Variants in GALNT9 observed in about 807,000 individuals in gnomAD.
GALNT9 encodes GalNAc transferase 9.
GALNT9 carries 47 observed loss-of-function variants against 63.1 expected under a neutral mutation model. The observed-to-expected ratio is 0.75, with a 90% CI of 0.59 to 0.95. The LOEUF (loss-of-function observed/expected upper bound fraction) is 0.95. Ranked by LOEUF, GALNT9 falls within the 40% of genes least tolerant of loss-of-function variation. The pLI, the probability that GALNT9 is intolerant of heterozygous loss-of-function variation, is 0.00. For missense variants in GALNT9, 829 were observed against 874.8 expected, an observed-to-expected ratio of 0.95 and a Z score of 0.66; for synonymous variants, 396 against 365.7, an observed-to-expected ratio of 1.08 and a Z score of -0.94.
intron 1 of GALNT9, among the ~76,000 whole-genome samples, chr12:132,291,104 T>C (rs868984472): frequency 0.086 from 396 of 4,618 alleles, 2 homozygotes; most frequent in Non-Finnish European, 0.096. Flanking sequence ...CCCACGTCCA[T>C]AGCACCCACA....
At chr12:132,324,089 G>A (rs1555246327) in intron 1 of GALNT9, among the ~76,000 whole-genome samples, 1 of 152,238 alleles carries the variant, frequency 6.6e-6, no homozygotes, top group Non-Finnish European at 1.5e-5. Context: ...AATAGGAAAA[G>A]CTTTCTGCTG....
Position 132,316,219 on chromosome 12 carries a change from TCA to T in GALNT9, c.238+12745_238+12746del, listed in dbSNP as rs1265127381. Among the ~76,000 whole-genome samples, 23 of 151,886 alleles carry T rather than the reference TCA, an allele frequency of 1.5e-4. No individual in the cohort carries two copies. The highest frequency in any genetic ancestry group is 1.5e-3 in the Admixed American group (23 of 15,268). On this transcript the variant is annotated intron_variant, in intron 1 of 10. Coordinates refer to ENST00000328957, the MANE Select transcript of GALNT9 (RefSeq NM_001122636.2). This position sits in a 1 kb window ranked among gnomAD's most constrained non-coding sequence, Gnocchi z 4.3. ...TCTCCAGCAGAGGCATGAAGCTGGA[TCA>T]CAGTCAGTGCCTGCCCCGGGCCCCG...
chr12:132,312,408 G>C (rs1269976787), intron 1 of GALNT9, among the ~76,000 whole-genome samples: 3 of 152,316 alleles, frequency 2.0e-5, no homozygotes, highest in Non-Finnish European at 2.9e-5. Context: ...ATGCCAACCT[G>C]ACCCAGGTTT....
intron 1 of GALNT9, among the ~76,000 whole-genome samples, chr12:132,302,903 G>C (rs77062883): frequency 0.026 from 4,005 of 152,262 alleles, 165 homozygotes; most frequent in African/African-American, 0.09. Flanking sequence ...AGCTGAGAGG[G>C]AGAGAGGAGG....
rs1340830054 is a variant in GALNT9 at position 132,245,735 on chromosome 12, C to T, written c.1077+2175G>A. 6.6e-6 allele frequency among the ~76,000 whole-genome samples: 1 copy of T among 152,254 alleles called. No homozygotes were observed. The highest frequency in any genetic ancestry group is 1.5e-5 in the Non-Finnish European group (1 of 68,044). ...CTCTGAGCCTGAGCCTGGGATGCAC[C>T]CACGACCCAGCCTCCTGGGACCTCC... On this transcript the variant is annotated intron_variant, in intron 6 of 10. Transcript: ENST00000328957. This position sits in a 1 kb window ranked among gnomAD's most constrained non-coding sequence, Gnocchi z 6.3.
intron 8 of GALNT9, 145 bp from the exon 9 acceptor site, chr12:132,199,414 G>A (rs1464679201): frequency 3.5e-5 from 22 of 622,740 alleles, no homozygotes; most frequent in South Asian, 2.7e-4. Context: ...GGCCGGGTGG[G>A]CTGCCTGGGA....
chr12:132,216,167 C>T (rs558301321), intron 6 of GALNT9, among the ~76,000 whole-genome samples: 1 of 152,048 alleles, frequency 6.6e-6, no homozygotes, highest in Non-Finnish European at 1.5e-5. Flanking sequence ...GAGACAGAGG[C>T]ATGAGATAGA....
intron 1 of GALNT9, among the ~76,000 whole-genome samples, chr12:132,308,410 C>A (rs1377201402): frequency 6.6e-6 from 1 of 152,242 alleles, no homozygotes; most frequent in African/African-American, 2.4e-5. Context: ...CACCCTGCCC[C>A]GGGCCCCAGC....
chr12:132,313,356 C>T (rs868971451), intron 1 of GALNT9, among the ~76,000 whole-genome samples: 1 of 148,882 alleles, frequency 6.7e-6, no homozygotes, highest in African/African-American at 2.5e-5. Flanking sequence ...CATCTCTCCA[C>T]CCACCCACTA....
At chr12:132,260,906 G>C in intron 4 of GALNT9, 42 bp downstream of exon 4, 1 of 1,478,332 alleles carries the variant, frequency 6.8e-7, no homozygotes, top group Non-Finnish European at 9.0e-7. Flanking sequence ...TGGTGGAGGG[G>C]GACCCGCTGA....
intron 6 of GALNT9, among the ~76,000 whole-genome samples, chr12:132,239,397 A>G (rs1192341852): frequency 7.3e-6 from 1 of 136,276 alleles, no homozygotes. Flanking sequence ...CAGAGACAGA[A>G]AGAGAGACAC....
At chr12:132,235,731 G>A (rs1347747018) in intron 6 of GALNT9, among the ~76,000 whole-genome samples, 12 of 109,212 alleles carry the variant, frequency 1.1e-4, no homozygotes, top group East Asian at 2.7e-4. Flanking sequence ...AGGGTCCCCC[G>A]GGCTGGAGTG....
chr12:132,276,590 C>A, intron 2 of GALNT9: 1 of 154,636 alleles, frequency 6.5e-6, no homozygotes, highest in Non-Finnish European at 1.5e-5. Context: ...AATTAATATG[C>A]ATGAGGAGTC....
intron 1 of GALNT9, among the ~76,000 whole-genome samples, chr12:132,325,848 C>T (rs1869013973): frequency 6.6e-6 from 1 of 152,276 alleles, no homozygotes; most frequent in Non-Finnish European, 1.5e-5. Context: ...CTCCATCCTC[C>T]ATTCAGAGCC....
chr12:132,241,137 C>T (rs1878311911), intron 6 of GALNT9, among the ~76,000 whole-genome samples: 12 of 127,192 alleles, frequency 9.4e-5, no homozygotes, highest in African/African-American at 3.3e-4. Context: ...CTTCCAGGGG[C>T]CCTCCCTATA....
chr12:132,267,757 A>T (rs559478960), intron 2 of GALNT9, among the ~76,000 whole-genome samples: 1 of 144,406 alleles, frequency 6.9e-6, no homozygotes, highest in Admixed American at 6.7e-5. Context: ...ACACACACTC[A>T]CACACACATG....
intron 8 of GALNT9, 32 bp downstream of exon 8, chr12:132,201,092 G>T: frequency 1.2e-6 from 2 of 1,604,092 alleles, no homozygotes; most frequent in Non-Finnish European, 1.7e-6. Flanking sequence ...AAAGCCTGTC[G>T]GGCCGAACGG....
chr12:132,315,967 G>A lies in GALNT9; in HGVS notation c.238+12999C>T, dbSNP rs530605184. Among the ~76,000 whole-genome samples the A allele has an allele frequency of 2.0e-5, 3 of 152,336 alleles. No homozygotes were observed. The highest frequency in any genetic ancestry group is 1.9e-4 in the East Asian group (1 of 5,184). On this transcript the variant is annotated intron_variant, in intron 1 of 10. Transcript: ENST00000328957. The surrounding 1 kb of genome is among the most constrained non-coding windows in gnomAD (Gnocchi z 6.1). ...CCTGAGAACAGTCTCCAGAATGTTC[G>A]AGAGTGGAGGGTGGTGGGGACGCGG...
chr12:132,322,405 G>A (rs782209235), intron 1 of GALNT9, among the ~76,000 whole-genome samples: 7 of 152,370 alleles, frequency 4.6e-5, no homozygotes, highest in Non-Finnish European at 1.0e-4. Flanking sequence ...ACGGACATGC[G>A]GCACATGAGG....
Sources: gnomAD v4.1 joint callset for allele counts (sites outside exome capture counted in the v4.1 genomes callset) on GRCh38, gnomAD v4.1.1 for gene constraint, Gnocchi (gnomAD v3.1) non-coding constraint, MANE v1.5 for transcripts, NCBI Gene and HGNC (gene_info 2026-07-23, HGNC 2026-07-21) for gene names.